DRC4: variants seen among roughly 807,000 people sequenced by gnomAD.
The protein encoded by DRC4 is GAS-11.
the DRC4 span, among the ~76,000 whole-genome samples, chr16:90,032,250 A>AG: frequency 1.3e-5 from 2 of 150,918 alleles, no homozygotes; most frequent in African/African-American, 2.5e-5. Context: ...ACAAGTGAGG[A>AG]GGTGTGGTAC....
the DRC4 span, chr16:90,031,543 C>T: frequency 6.6e-7 from 1 of 1,516,890 alleles, no homozygotes; most frequent in Non-Finnish European, 8.9e-7. Context: ...CCACAGAGCC[C>T]CAGAGGAGCT....
the DRC4 span, chr16:90,028,106 T>A: frequency 1.6e-3 from 262 of 160,586 alleles, no homozygotes; most frequent in African/African-American, 6.0e-3. Flanking sequence ...AAACATTATG[T>A]CAAAAAGGAA....
chr16:90,022,670 G>T, the DRC4 span: 1 of 1,418,532 alleles, frequency 7.0e-7, no homozygotes, highest in Non-Finnish European at 9.3e-7. Flanking sequence ...CGTGGCTTCC[G>T]GGGGCGGGCG....
chr16:90,042,583 G>A, the DRC4 span: 9 of 1,510,512 alleles, frequency 6.0e-6, no homozygotes, highest in Non-Finnish European at 8.3e-6. Flanking sequence ...TCGGTGCCCA[G>A]ACTGTTCTAA....
At chr16:90,020,045 T>C in the DRC4 span, 1 of 689,342 alleles carries the variant, frequency 1.5e-6, no homozygotes, top group Non-Finnish European at 2.6e-6. Context: ...ATCGCCCAGA[T>C]TCAGCGATTG....
the DRC4 span, chr16:90,022,088 G>A: frequency 6.6e-6 from 1 of 152,236 alleles, no homozygotes; most frequent in Non-Finnish European, 1.5e-5. Flanking sequence ...TCCGTGAGGA[G>A]TGGGGAGGAG....
the DRC4 span, chr16:90,044,903 G>C: frequency 4.5e-6 from 1 of 220,876 alleles, no homozygotes; most frequent in Non-Finnish European, 9.2e-6. Flanking sequence ...TATTTTTCCA[G>C]ATTTTCTCTA....
the DRC4 span, chr16:90,043,368 C>A: frequency 3.8e-6 from 6 of 1,596,074 alleles, no homozygotes; most frequent in Non-Finnish European, 5.1e-6. Context: ...GGGGCCACAG[C>A]CCAGAGAACC....
chr16:90,032,025 A>G, the DRC4 span, among the ~76,000 whole-genome samples: 5 of 151,972 alleles, frequency 3.3e-5, no homozygotes. Context: ...ACAGGTATGT[A>G]CAGGTGAGGA....
At chr16:90,036,299 C>T in the DRC4 span, 1 of 1,279,576 alleles carries the variant, frequency 7.8e-7, no homozygotes, top group Non-Finnish European at 1.1e-6. Context: ...GCGTTTTGGG[C>T]CCGTTTACAG....
At chr16:90,031,343 G>A in the DRC4 span, 4 of 1,613,470 alleles carry the variant, frequency 2.5e-6, no homozygotes, top group African/African-American at 2.7e-5. Context: ...TGGACCGCGA[G>A]CGGGAGGAAC....
chr16:90,022,518 T>A, the DRC4 span: 1 of 493,186 alleles, frequency 2.0e-6, no homozygotes, highest in South Asian at 3.6e-5. Context: ...CGGCGACATT[T>A]TCCCAACGTT....
the DRC4 span, chr16:90,033,062 G>A: frequency 1.1e-6 from 1 of 870,926 alleles, no homozygotes; most frequent in Non-Finnish European, 1.7e-6. Context: ...GCAATTTGTT[G>A]AAAAAAAATT....
the DRC4 span, chr16:90,037,468 C>G: frequency 6.6e-7 from 1 of 1,512,952 alleles, no homozygotes; most frequent in East Asian, 2.3e-5. Context: ...GGAGGAGCAT[C>G]ACAGGGAGGG....
chr16:90,024,136 ACACT>A, the DRC4 span, among the ~76,000 whole-genome samples: 114 of 144,288 alleles, frequency 7.9e-4, no homozygotes, highest in African/African-American at 1.8e-3. Context: ...ACACACACAC[ACACT>A]CACACACACA....
At chr16:90,036,052 A>C in the DRC4 span, 1 of 730,724 alleles carries the variant, frequency 1.4e-6, no homozygotes, top group Non-Finnish European at 2.1e-6. Flanking sequence ...TTTACTAATA[A>C]AGGCTGATTG....
chr16:90,030,417 G>C, the DRC4 span, among the ~76,000 whole-genome samples: 7 of 151,758 alleles, frequency 4.6e-5, no homozygotes, highest in Non-Finnish European at 8.8e-5. Flanking sequence ...CACGGCTCAC[G>C]GCAGCCTTGA....
the DRC4 span, chr16:90,031,341 G>A: frequency 2.5e-6 from 4 of 1,613,528 alleles, no homozygotes; most frequent in Middle Eastern, 1.7e-4. Flanking sequence ...GCTGGACCGC[G>A]AGCGGGAGGA....
chr16:90,036,458 G>C, the DRC4 span: 1 of 1,613,948 alleles, frequency 6.2e-7, no homozygotes, highest in Non-Finnish European at 8.5e-7. Context: ...TGAGCTCCAC[G>C]AAGTGGAGGA....
Sources: allele counts gnomAD v4.1 joint callset (sites outside exome capture counted in the v4.1 genomes callset), GRCh38; gene constraint gnomAD v4.1.1; transcripts MANE v1.5; gene names NCBI Gene and HGNC (gene_info 2026-07-23, HGNC 2026-07-21).